Variants in MMP9 observed in about 807,000 individuals in gnomAD.
The protein encoded by MMP9 is matrix metalloproteinase-9.
Under a neutral mutation model 76.4 loss-of-function variants are expected in MMP9, and 73 were observed. The observed-to-expected ratio is 0.96, with a 90% CI of 0.79 to 1.16. The LOEUF is 1.16. Among genes scored for constraint, MMP9 ranks in the 50% most tolerant of loss-of-function variants. The probability of loss-of-function intolerance (pLI) is 0.00; values close to 1 mark genes in which losing one functional copy is unlikely to be tolerated. For missense variants in MMP9, 943 were observed against 973.0 expected, an observed-to-expected ratio of 0.97 and a Z score of 0.41; for synonymous variants, 412 against 408.4, an observed-to-expected ratio of 1.01 and a Z score of -0.11.
chr20:46,011,886 C>G, intron 6 of MMP9, 139 bp downstream of exon 6: 2 of 1,132,350 alleles, frequency 1.8e-6, no homozygotes, highest in South Asian at 2.7e-5. Flanking sequence ...CCCACCTACA[C>G]CACATTTCCA....
In MMP9 at chr20:46,016,292, G is replaced by C. The variant is rs1369630811; in HGVS notation, c.2048G>C (p.Ser683Thr). ...CAGGACCGCTTCTACTGGCGCGTGAGTTCCCGGAGTGAGTTGAACCAGGTG... is the reference window on the plus strand; with the variant it reads ...CAGGACCGCTTCTACTGGCGCGTGACTTCCCGGAGTGAGTTGAACCAGGTG... ...FCQDRFYWRV[S>T]SRSELNQVDQ... Residue 683 changes from serine to threonine, a missense_variant, in exon 13 of 13, where the codon AGT becomes ACT. Transcript: ENST00000372330. The C allele has an allele frequency of 2.5e-6, 4 of 1,614,118 alleles. No homozygotes were observed. The highest frequency in any genetic ancestry group is 3.4e-6 in the Non-Finnish European group (4 of 1,180,048).
Position 46,013,374 on chromosome 20 carries a change from G to A in MMP9, c.1450G>A (p.Gly484Ser). Residue 484 changes from glycine (G) to serine (S), a missense_variant, in exon 9 of 13, where the codon GGC becomes AGC. Gly to Ser is a moderately conservative substitution (Grantham distance 56, BLOSUM62 0). Transcript: ENST00000372330. The surrounding 1 kb of genome is among the most constrained non-coding windows in gnomAD (Gnocchi z 4.5). ...CCACCCCTCAGAGCGCCCCACAGCTGGCCCCACAGGTCCCCCCTCAGCTGG... is the reference window on the plus strand; with the variant it reads ...CCACCCCTCAGAGCGCCCCACAGCTAGCCCCACAGGTCCCCCCTCAGCTGG... ...TVHPSERPTA[G>S]PTGPPSAGPT... is the part of the protein sequence containing the mutation. 4 of 1,610,010 alleles carry A rather than the reference G, an allele frequency of 2.5e-6. No individual in the cohort carries two copies. The highest frequency in any genetic ancestry group is 3.4e-6 in the Non-Finnish European group (4 of 1,177,826).
intron 12 of MMP9, 140 bp downstream of exon 12, chr20:46,014,614 A>G: frequency 1.1e-6 from 1 of 918,268 alleles, no homozygotes; most frequent in South Asian, 1.4e-5. Flanking sequence ...GCAGAGGCAG[A>G]GGCCTTCTCC....
Position 46,016,254 on chromosome 20 carries a change from A to G in MMP9, c.2010A>G (p.Lys670=), listed in dbSNP as rs755303630. The G allele has an allele frequency of 6.2e-7, 1 of 1,614,110 alleles. No individual in the cohort carries two copies. The highest frequency in any genetic ancestry group is 1.1e-5 in the South Asian group (1 of 91,084). Residue 670 remains lysine, a synonymous_variant, in exon 13 of 13, where the codon AAA becomes AAG. Coordinates refer to ENST00000372330, the MANE Select transcript of MMP9 (RefSeq NM_004994.3). ...ATGCCTGCCTGTCTCCTGCAGAGAA[A>G]GCCTATTTCTGCCAGGACCGCTTCT... The part of the protein sequence containing the change: ...DTHDVFQYRE[K]AYFCQDRFYW...
rs891211903 is a variant in MMP9, at chr20:46,014,067, C to G, written c.1751-57C>G. The G allele has an allele frequency of 2.6e-6, 4 of 1,532,550 alleles. No homozygotes were observed. In the Admixed American group the frequency reaches 5.9e-5, roughly 23 times the overall value. 94.9% of individuals were successfully genotyped at this position (1,532,550 alleles called of 1,614,324 possible). A position where few individuals can be genotyped will look rare whatever the true frequency, so the allele number is the denominator to read the frequency against. ...TCGCCGGAATCTCCCTCCTCGCGTT[C>G]TAGGAGTACGTGCTCCCTCTGCGCC... On this transcript the variant is annotated intron_variant, in intron 10 of 12. Transcript: ENST00000372330.
chr20:46,012,452 G>T lies in MMP9; in HGVS notation c.1200G>T (p.Ala400=). 6.2e-7 allele frequency: 1 copy of T among 1,614,120 alleles called. No individual in the cohort carries two copies. Among genetic ancestry groups the T allele is most frequent in the Non-Finnish European group, 8.5e-7 (1 of 1,179,986 alleles). ...GATACAGTTTGTTCCTCGTGGCGGC[G>T]CATGAGTTCGGCCACGCGCTGGGCT... is the stretch of plus-strand genomic sequence containing the variant. ...DQGYSLFLVA[A]HEFGHALGLD... The change falls in exon 8 of 13, where the codon GCG becomes GCT. Residue 400 remains alanine (A), a synonymous_variant. Transcript: ENST00000372330.
In MMP9 at chr20:46,011,704, C is replaced by T. The variant is rs1406958269; in HGVS notation, c.954C>T (p.Ala318=). ...GCTACCGCTGGTGCGCCACCACCGC[C>T]AACTACGACCGGGACAAGCTCTTCG... ...SDGYRWCATT[A]NYDRDKLFGF... is the part of the protein sequence containing the mutation. The change falls in exon 6 of 13, where the codon GCC becomes GCT. Residue 318 remains alanine (A), a synonymous_variant. Transcript: ENST00000372330. The T allele has an allele frequency of 6.2e-7, 1 of 1,613,934 alleles. No individual in the cohort carries two copies.
intron 2 of MMP9, 150 bp from the exon 3 acceptor site, chr20:46,010,333 A>AAAAAAAC: frequency 2.4e-6 from 2 of 827,760 alleles, no homozygotes; most frequent in African/African-American, 4.4e-5. Flanking sequence ...AAAAAAAAAA[A>AAAAAAAC]AAAAAAAACA....
At chr20:46,010,341 A>AAAAAAAAAAAAAAAAAT in intron 2 of MMP9, 142 bp from the exon 3 acceptor site, 4 of 916,636 alleles carry the variant, frequency 4.4e-6, no homozygotes, top group Non-Finnish European at 6.6e-6. Context: ...AAAAAAAAAA[A>AAAAAAAAAAAAAAAAAT]CAGTCTGGAA....
At position 46,016,274 on chromosome 20, in the gene MMP9, G is replaced by A. The variant is rs200118434; in HGVS notation, c.2030G>A (p.Arg677His). 1.4e-5 allele frequency: 22 copies of A among 1,614,206 alleles called. No homozygotes were observed. Among genetic ancestry groups the A allele is most frequent in the Middle Eastern group, 1.6e-4 (1 of 6,062 alleles). ...GAGAAAGCCTATTTCTGCCAGGACC[G>A]CTTCTACTGGCGCGTGAGTTCCCGG... ...YREKAYFCQD[R>H]FYWRVSSRSE... is the part of the protein sequence containing the mutation. The change falls in exon 13 of 13, where the codon CGC becomes CAC. Residue 677 changes from arginine to histidine, a missense_variant. Coordinates refer to ENST00000372330, the MANE Select transcript of MMP9 (RefSeq NM_004994.3).
Position 46,009,989 on chromosome 20 carries a change from A to G in MMP9, c.262A>G (p.Ser88Gly). ...LSLPETGELDSATLKAMRTPR... is the reference protein window; with the variant it reads ...LSLPETGELDGATLKAMRTPR... ...CCTGCCCGAGACCGGTGAGCTGGATAGCGCCACGCTGAAGGCCATGCGAAC... is the reference window on the plus strand; with the variant it reads ...CCTGCCCGAGACCGGTGAGCTGGATGGCGCCACGCTGAAGGCCATGCGAAC... Residue 88 changes from serine (S) to glycine (G), a missense_variant, in exon 2 of 13, where the codon AGC (serine) becomes GGC (glycine). By Grantham distance (56) the Ser-to-Gly change is moderately conservative (BLOSUM62 0). Transcript: ENST00000372330. The G allele has an allele frequency of 6.4e-7, 1 of 1,551,710 alleles. No individual in the cohort carries two copies.
intron 2 of MMP9, 30 bp downstream of exon 2, chr20:46,010,128 G>C (rs1249068537): frequency 6.7e-7 from 1 of 1,500,194 alleles, no homozygotes; most frequent in Non-Finnish European, 9.1e-7. Flanking sequence ...GCAGCGGGGT[G>C]GGGCGGGGAG....
In MMP9 at chr20:46,013,381, C is replaced by G; in HGVS notation, c.1457C>G (p.Thr486Arg). 1 of 1,612,236 alleles carries G rather than the reference C, an allele frequency of 6.2e-7. No homozygotes were observed. Among genetic ancestry groups the G allele is most frequent in the Non-Finnish European group, 8.5e-7 (1 of 1,178,694 alleles). The change falls in exon 9 of 13, where the codon ACA (threonine) becomes AGA (arginine). Residue 486 changes from threonine to arginine, a missense_variant. Transcript: ENST00000372330. This position sits in a 1 kb window ranked among gnomAD's most constrained non-coding sequence, Gnocchi z 4.5. ...TCAGAGCGCCCCACAGCTGGCCCCA[C>G]AGGTCCCCCCTCAGCTGGCCCCACA... The part of the protein sequence containing the change: ...HPSERPTAGP[T>R]GPPSAGPTGP...
In MMP9 at chr20:46,009,875, T is replaced by C. The variant is rs1350125067; in HGVS notation, c.148T>C (p.Tyr50His). ...GTCCCTTCATCCACAGGAATACCTGTACCGCTATGGTTACACTCGGGTGGC... is the reference window on the plus strand; with the variant it reads ...GTCCCTTCATCCACAGGAATACCTGCACCGCTATGGTTACACTCGGGTGGC... ...TDRQLAEEYL[Y>H]RYGYTRVAEM... The change falls in exon 2 of 13, where the codon TAC becomes CAC. Residue 50 changes from tyrosine to histidine, a missense_variant. Physicochemically the swap from Tyr to His is moderately conservative, Grantham distance 83. Coordinates refer to ENST00000372330, the MANE Select transcript of MMP9 (RefSeq NM_004994.3). The C allele has an allele frequency of 6.4e-7, 1 of 1,551,902 alleles. No individual in the cohort carries two copies. The highest frequency in any genetic ancestry group is 8.7e-7 in the Non-Finnish European group (1 of 1,147,050).
rs202087801 is a variant in MMP9 at position 46,011,360 on chromosome 20, T to C, written c.823+44T>C. The C allele has an allele frequency of 2.9e-4, 457 of 1,591,720 alleles. 3 individuals carry two copies. The African/African-American group carries it at 5.4e-3, about 19-fold the overall frequency. On this transcript the variant is annotated intron_variant, in intron 5 of 12. Transcript: ENST00000372330. ...CGAGGGCTGGGGGCGCCCACCACCC[T>C]TGATGGTCCTGGGTTCTAATTCCAG...
rs200232624 is a variant in MMP9 at position 46,012,306 on chromosome 20, G to A, written c.1167G>A (p.Pro389=). 31 of 1,613,272 alleles carry A rather than the reference G, an allele frequency of 1.9e-5. No homozygotes were observed. Among genetic ancestry groups the A allele is most frequent in the Non-Finnish European group, 2.2e-5 (26 of 1,180,002 alleles). The change falls in exon 7 of 13, where the codon CCG becomes CCA. Residue 389 remains proline, a synonymous_variant. Coordinates refer to ENST00000372330, the MANE Select transcript of MMP9 (RefSeq NM_004994.3). ...FDSDKKWGFC[P]DQGYSLFLVA... ...GCGACAAGAAGTGGGGCTTCTGCCC[G>A]GACCAAGGTAGGCGTGGTCCCGCGG... is the stretch of plus-strand genomic sequence containing the variant.
chr20:46,011,451 T>C, intron 5 of MMP9, 123 bp from the exon 6 acceptor site: 1 of 1,558,108 alleles, frequency 6.4e-7, no homozygotes, highest in Non-Finnish European at 8.8e-7. Context: ...TTTTCTCATC[T>C]GAGAAATGAT....
At chr20:46,015,066 A>G (rs1204476925) in intron 12 of MMP9, among the ~76,000 whole-genome samples, 4 of 152,210 alleles carry the variant, frequency 2.6e-5, no homozygotes, top group Non-Finnish European at 5.9e-5. Context: ...AACAAATTCC[A>G]TGAGATTAGA....
At position 46,012,532 on chromosome 20, in the gene MMP9, AG is replaced by A; in HGVS notation, c.1284del (p.Leu431CysfsTer6). The A allele has an allele frequency of 6.2e-7, 1 of 1,613,926 alleles. No homozygotes were observed. The highest frequency in any genetic ancestry group is 8.5e-7 in the Non-Finnish European group (1 of 1,179,992). ...ALMYPMYRFT[E>X]GPPLHKDDVN... ...ATGTACCCTATGTACCGCTTCACTG[AG>A]GGGCCCCCCTTGCATAAGGACGACG... On this transcript the variant is annotated frameshift_variant, in exon 8 of 13. Transcript: ENST00000372330. LOFTEE classifies it high-confidence loss of function.
Sources: gnomAD v4.1 joint callset for allele counts (sites outside exome capture counted in the v4.1 genomes callset) on GRCh38, gnomAD v4.1.1 for gene constraint, Gnocchi (gnomAD v3.1) non-coding constraint, MANE v1.5 for transcripts, NCBI Gene and HGNC (gene_info 2026-07-23, HGNC 2026-07-21) for gene names.